The following ZDHHC9 variants were observed in gnomAD, a reference collection of about 807,000 sequenced individuals.
The protein encoded by ZDHHC9 is palmitoyltransferase ZDHHC9.
In ZDHHC9, 3 loss-of-function variants were observed where a neutral mutation model predicts 26.6. The ratio of observed to expected loss-of-function variants is 0.11; its 90% CI spans 0.05 to 0.29. The LOEUF (loss-of-function observed/expected upper bound fraction) is 0.29. Ranked by LOEUF, ZDHHC9 falls within the 10% of genes least tolerant of loss-of-function variation. The pLI is 1.00. For missense variants in ZDHHC9, 146 were observed against 296.4 expected (o/e 0.49, Z 3.73); for synonymous variants, 111 against 109.4 (o/e 1.01, Z -0.09).
intron 3 of ZDHHC9, among the ~76,000 whole-genome samples, chrX:129,838,293 G>A (rs963489899): frequency 8.9e-6 from 1 of 111,801 alleles, no homozygotes; most frequent in Admixed American, 9.5e-5. Context: ...TCAGGTTCTT[G>A]GAGTTGCAAG....
intron 5 of ZDHHC9, chrX:129,823,415 A>T: frequency 2.7e-6 from 1 of 376,576 alleles, no homozygotes; most frequent in African/African-American, 2.5e-5. Context: ...AAATTTCAAA[A>T]ATAGGTAAAG....
intron 5 of ZDHHC9, among the ~76,000 whole-genome samples, chrX:129,817,171 G>A (rs1182133652): frequency 1.8e-5 from 2 of 111,541 alleles, no homozygotes; most frequent in African/African-American, 6.5e-5. Flanking sequence ...CACTGCGCCC[G>A]GCCGAAGTTC....
rs944175273 is a variant in ZDHHC9 at position 129,843,279 on chromosome X, G to A, written c.-156C>T. On this transcript the variant is annotated 5_prime_UTR_variant, in exon 2 of 11. Transcript: ENST00000357166. ...CTAACCTGGAAGACAATCTCCTCCC[G>A]ATAAACCGGCCCAGCGGGAGAAGGG... The A allele has an allele frequency of 3.5e-5, 4 of 112,734 alleles. No homozygotes were observed. The highest frequency in any genetic ancestry group is 5.6e-5 in the Non-Finnish European group (3 of 53,178). The allele number at this position is 112,734 out of a possible 1,213,427, so 9.3% of individuals were successfully genotyped here.
Position 129,840,776 on chromosome X carries a change from G to C in ZDHHC9, c.167+1003C>G, listed in dbSNP as rs763849562. On this transcript the variant is annotated intron_variant, in intron 3 of 10. Coordinates refer to ENST00000357166, the MANE Select transcript of ZDHHC9 (RefSeq NM_016032.4). The stretch of plus-strand genomic sequence containing the variant: ...TCTGGGTGCACTGGGAAAGCCTGAA[G>C]CCCTCACAGAAGGACAAAAATGAGC... 8.1e-5 allele frequency among the ~76,000 whole-genome samples: 9 copies of C among 110,591 alleles called. No homozygotes were observed. The South Asian group carries it at 3.5e-3, about 43-fold the overall frequency.
chrX:129,833,504 G>A (rs10521757), intron 3 of ZDHHC9, among the ~76,000 whole-genome samples: 6,821 of 111,888 alleles, frequency 0.061, 509 homozygotes, highest in African/African-American at 0.21. Context: ...TATGCCTTAC[G>A]GATTGGCAGC....
intron 3 of ZDHHC9, among the ~76,000 whole-genome samples, chrX:129,838,442 C>T (rs1462936057): frequency 8.9e-6 from 1 of 111,902 alleles, no homozygotes; most frequent in African/African-American, 3.3e-5. Flanking sequence ...GAGGCTGAGG[C>T]AGGTGGATAA....
At chrX:129,810,274 G>A (rs1429527539) in intron 10 of ZDHHC9, among the ~76,000 whole-genome samples, 2 of 104,104 alleles carry the variant, frequency 1.9e-5, no homozygotes, top group Non-Finnish European at 3.9e-5. Flanking sequence ...TTGAACCTGG[G>A]AGGTGGAGTT....
intron 5 of ZDHHC9, 43 bp from the exon 6 acceptor site, chrX:129,814,838 C>A (rs1284016369): frequency 8.4e-7 from 1 of 1,195,372 alleles, no homozygotes; most frequent in Non-Finnish European, 1.1e-6. Flanking sequence ...GCCTCCAGAA[C>A]AAAAATCAAC....
At chrX:129,814,441 T>C (rs772962765) in intron 6 of ZDHHC9, among the ~76,000 whole-genome samples, 3 of 111,704 alleles carry the variant, frequency 2.7e-5, no homozygotes, top group East Asian at 2.8e-4. Context: ...TGCCCAGCAG[T>C]TGGCCAAAGA....
intron 4 of ZDHHC9, among the ~76,000 whole-genome samples, chrX:129,825,092 C>A (rs1927983858): frequency 9.0e-6 from 1 of 111,211 alleles, no homozygotes; most frequent in South Asian, 3.7e-4. Flanking sequence ...CACCTGAGAT[C>A]AGGAGTTTGA....
intron 10 of ZDHHC9, among the ~76,000 whole-genome samples, chrX:129,809,988 C>A (rs369320252): frequency 2.1e-3 from 121 of 58,550 alleles, no homozygotes; most frequent in South Asian, 3.4e-3. Flanking sequence ...GACTCCGTCT[C>A]AAAAAAAAAA....
At chrX:129,833,574 T>C (rs753356238) in intron 3 of ZDHHC9, among the ~76,000 whole-genome samples, 3 of 112,493 alleles carry the variant, frequency 2.7e-5, no homozygotes, top group East Asian at 5.6e-4. Flanking sequence ...TTTCTTGCTA[T>C]GTTTTTTGGT....
chrX:129,832,815 A>G (rs911372945), intron 3 of ZDHHC9, among the ~76,000 whole-genome samples: 26 of 108,282 alleles, frequency 2.4e-4, no homozygotes, highest in Non-Finnish European at 4.2e-4. Flanking sequence ...AAATAAATAC[A>G]TAAGCCGGAC....
chrX:129,808,777 T>C (rs747887829), intron 10 of ZDHHC9, among the ~76,000 whole-genome samples: 1 of 111,945 alleles, frequency 8.9e-6, no homozygotes, highest in East Asian at 2.8e-4. Flanking sequence ...AATTAAAAGA[T>C]AACCCATGGA....
chrX:129,833,909 C>T (rs761371533), intron 3 of ZDHHC9, among the ~76,000 whole-genome samples: 2 of 111,684 alleles, frequency 1.8e-5, no homozygotes, highest in Non-Finnish European at 3.8e-5. Context: ...GAGAAATAAG[C>T]CTTTGCTATA....
intron 5 of ZDHHC9, among the ~76,000 whole-genome samples, chrX:129,819,151 A>T: frequency 1.2e-5 from 1 of 85,541 alleles, no homozygotes. Context: ...CCAGACTGGG[A>T]GAGAGAGACA....
chrX:129,832,806 A>AATAC (rs769792215), intron 3 of ZDHHC9, among the ~76,000 whole-genome samples: 9 of 107,220 alleles, frequency 8.4e-5, no homozygotes, highest in Non-Finnish European at 1.5e-4. Context: ...TAAATAAATA[A>AATAC]ATAAATACAT....
intron 10 of ZDHHC9, among the ~76,000 whole-genome samples, chrX:129,807,013 C>A (rs375903402): frequency 2.7e-5 from 3 of 111,854 alleles, no homozygotes; most frequent in African/African-American, 9.7e-5. Flanking sequence ...CAATTTGAGT[C>A]CAGACTCATT....
intron 4 of ZDHHC9, among the ~76,000 whole-genome samples, chrX:129,826,611 G>T (rs1221851517): frequency 1.8e-5 from 2 of 110,797 alleles, no homozygotes; most frequent in African/African-American, 3.3e-5. Flanking sequence ...AATGGGAAGG[G>T]AACTGGAAAA....
Sources: gnomAD v4.1 joint callset for allele counts (sites outside exome capture counted in the v4.1 genomes callset) on GRCh38, gnomAD v4.1.1 for gene constraint, MANE v1.5 for transcripts, NCBI Gene and HGNC (gene_info 2026-07-23, HGNC 2026-07-21) for gene names.